MRPL43: variants seen among roughly 807,000 people sequenced by gnomAD.
The protein encoded by MRPL43 is mitochondrial ribosomal protein L43.
In MRPL43, 9 loss-of-function variants were observed where a neutral mutation model predicts 12.7. That is an observed-to-expected ratio of 0.71 (90% CI 0.43 to 1.24). The LOEUF (loss-of-function observed/expected upper bound fraction) is 1.24. MRPL43 is among the 50% of genes most tolerant of loss of function. MRPL43 has a pLI of 0.00. For missense variants in MRPL43, 211 were observed against 229.2 expected, an observed-to-expected ratio of 0.92 and a Z score of 0.51; for synonymous variants, 116 against 96.4, an observed-to-expected ratio of 1.20 and a Z score of -1.19.
chr10:100,984,130 G>A (rs1851297087), downstream of MRPL43: 2 of 1,605,288 alleles, frequency 1.2e-6, no homozygotes, highest in Non-Finnish European at 1.7e-6. Context: ...AGCTCTGTCT[G>A]AGCCCAGCCT....
chr10:100,983,929 C>A (rs773939741), downstream of MRPL43: 9 of 1,601,532 alleles, frequency 5.6e-6, no homozygotes, highest in Non-Finnish European at 7.7e-6. Flanking sequence ...CCGCCCCCAC[C>A]GCCACCGGCT....
chr10:100,987,097 G>C lies in MRPL43; in HGVS notation c.231C>G (p.Ala77=). ...GAGCCCGGCCCCACTCACGGTATTC[G>C]GCCACTACTCTGGGCACGCAGCACG... The part of the protein sequence containing the change: ...SRPCCVPRVV[A]EYLNGAVREE... Residue 77 remains alanine (A), a synonymous_variant, in exon 2 of 3, where the codon GCC becomes GCG. Transcript: ENST00000318364. 1 of 1,613,476 alleles carries C rather than the reference G, an allele frequency of 6.2e-7. No homozygotes were observed. The highest frequency in any genetic ancestry group is 1.7e-5 in the Admixed American group (1 of 60,016).
chr10:100,979,003 G>A (rs764466706), downstream of MRPL43: 4 of 1,614,166 alleles, frequency 2.5e-6, no homozygotes, highest in South Asian at 4.4e-5. Context: ...TGGCCCGTGT[G>A]GCTCGTGTCT....
intron 1 of MRPL43, 22 bp downstream of exon 1, chr10:100,987,291 C>A: frequency 6.2e-7 from 1 of 1,612,044 alleles, no homozygotes; most frequent in Non-Finnish European, 8.5e-7. Context: ...CGACCCGCGC[C>A]TGCGCACTTC....
At chr10:100,980,541 A>C (rs891460938), downstream of MRPL43, 3 of 1,564,632 alleles carry the variant, frequency 1.9e-6, no homozygotes, top group African/African-American at 4.1e-5. Flanking sequence ...AGCAGATCCC[A>C]TAGTTGGGGT....
downstream of MRPL43, chr10:100,983,529 C>G (rs539263557): frequency 6.2e-7 from 1 of 1,614,178 alleles, no homozygotes; most frequent in Non-Finnish European, 8.5e-7. Context: ...GGAAAATGGC[C>G]TCCGCACCCT....
downstream of MRPL43, among the ~76,000 whole-genome samples, chr10:100,982,786 C>T (rs999924544): frequency 7.9e-5 from 12 of 152,044 alleles, no homozygotes; most frequent in East Asian, 1.9e-3. Context: ...AATGAGACTC[C>T]GTCTCAAAAA....
At chr10:100,983,972 C>T (rs1303695342), downstream of MRPL43, 2 of 1,612,264 alleles carry the variant, frequency 1.2e-6, no homozygotes, top group African/African-American at 1.3e-5. Context: ...CACTGCCCAG[C>T]CGGCTGCGGA....
At chr10:100,980,677 T>C, downstream of MRPL43, 1 of 1,613,788 alleles carries the variant, frequency 6.2e-7, no homozygotes, top group Non-Finnish European at 8.5e-7. Context: ...GAAAATCTAG[T>C]CATCTCTCTA....
At chr10:100,977,888 G>A, downstream of MRPL43, 2 of 633,340 alleles carry the variant, frequency 3.2e-6, no homozygotes, top group Non-Finnish European at 5.6e-6. Flanking sequence ...GGCTGCACTG[G>A]AGAACCATTC....
At chr10:100,978,002 G>A (rs1564794591), downstream of MRPL43, 3 of 570,576 alleles carry the variant, frequency 5.3e-6, no homozygotes, top group East Asian at 8.9e-5. Context: ...AAAGGGCCTT[G>A]ATCCCCTGGA....
chr10:100,983,910 C>T (rs781570245), downstream of MRPL43: 4 of 1,521,404 alleles, frequency 2.6e-6, no homozygotes, highest in Admixed American at 6.2e-5. Context: ...CCCAGCCCCA[C>T]CACCCCCACC....
downstream of MRPL43, chr10:100,980,748 G>C (rs182291256): frequency 6.0e-4 from 967 of 1,605,128 alleles, 1 homozygote; most frequent in Non-Finnish European, 7.7e-4. Context: ...AAGAGGGAGT[G>C]GGGAGGTTGG....
downstream of MRPL43, chr10:100,984,847 T>C (rs1342914307): frequency 1.3e-6 from 2 of 1,503,516 alleles, no homozygotes; most frequent in East Asian, 4.9e-5. Context: ...TGTGTGGCCC[T>C]TGTGAATCAG....
chr10:100,984,047 C>T (rs376187099), downstream of MRPL43: 2 of 1,613,726 alleles, frequency 1.2e-6, no homozygotes, highest in East Asian at 4.5e-5. Flanking sequence ...CAGGGCCCTG[C>T]TCCTTCGCCG....
downstream of MRPL43, chr10:100,984,488 A>G (rs1851321816): frequency 6.5e-7 from 1 of 1,532,874 alleles, no homozygotes; most frequent in African/African-American, 1.4e-5. Context: ...TCTTTCTCCC[A>G]GGCAGGGCTC....
At position 100,986,454 on chromosome 10, in the gene MRPL43, T is replaced by G; in HGVS notation, c.*280A>C. ...GTGTTTTGAGATCATTATTATCAAT[T>G]TGGATTTAAAAAACAAGGGCCCTGT... is the stretch of plus-strand genomic sequence containing the variant. On this transcript the variant is annotated 3_prime_UTR_variant, in exon 3 of 3. Transcript: ENST00000318364. 1 of 1,527,780 alleles carries G rather than the reference T, an allele frequency of 6.5e-7. No homozygotes were observed. Among genetic ancestry groups the G allele is most frequent in the Non-Finnish European group, 8.8e-7 (1 of 1,139,030 alleles). The allele number at this position is 1,527,780 out of a possible 1,614,324, so 94.6% of individuals were successfully genotyped here. A position where few individuals can be genotyped will look rare whatever the true frequency, so the allele number is the denominator to read the frequency against.
chr10:100,985,539 C>T (rs971763006), downstream of MRPL43: 2 of 152,666 alleles, frequency 1.3e-5, no homozygotes, highest in Non-Finnish European at 2.9e-5. Context: ...GTGGGTGGAA[C>T]AGGCATGTGA....
downstream of MRPL43, chr10:100,985,146 G>A (rs1851375125): frequency 4.7e-6 from 2 of 425,960 alleles, no homozygotes; most frequent in African/African-American, 2.0e-5. Flanking sequence ...GGGGAATCAA[G>A]CATTTGCTTC....
Sources: allele counts gnomAD v4.1 joint callset (sites outside exome capture counted in the v4.1 genomes callset), GRCh38; gene constraint gnomAD v4.1.1; transcripts MANE v1.5; gene names NCBI Gene and HGNC (gene_info 2026-07-23, HGNC 2026-07-21).